The following CFH variants were observed in gnomAD, a reference collection of about 807,000 sequenced individuals.
The protein encoded by CFH is complement factor H.
A neutral mutation model predicts 147.3 loss-of-function variants in CFH; 53 were observed. The ratio of observed to expected loss-of-function variants is 0.36; its 90% CI spans 0.29 to 0.45. CFH has a LOEUF of 0.45. CFH is among the 20% of genes least tolerant of loss of function. The probability of loss-of-function intolerance (pLI) is 1.00; values close to 1 mark genes in which losing one functional copy is unlikely to be tolerated. For missense variants in CFH, 1,380 were observed against 1,498.0 expected (o/e 0.92, Z 1.30); for synonymous variants, 536 against 489.4 (o/e 1.10, Z -1.26).
intron 3 of CFH, among the ~76,000 whole-genome samples, chr1:196,674,370 C>G (rs1667386121): frequency 6.6e-6 from 1 of 152,114 alleles, no homozygotes; most frequent in African/African-American, 2.4e-5. Flanking sequence ...GAAAGCAAGA[C>G]TTTCACCTGC....
intron 9 of CFH, among the ~76,000 whole-genome samples, chr1:196,695,298 T>C (rs1355926257): frequency 3.9e-5 from 6 of 152,212 alleles, no homozygotes; most frequent in African/African-American, 1.4e-4. Flanking sequence ...GTCAGGTTTG[T>C]TGAAGATCAA....
intron 11 of CFH, among the ~76,000 whole-genome samples, chr1:196,719,664 A>G (rs995041729): frequency 6.6e-6 from 1 of 151,818 alleles, no homozygotes; most frequent in Non-Finnish European, 1.5e-5. Flanking sequence ...AATAAGAAAA[A>G]TAATATTTTG....
intron 7 of CFH, 26 bp from the exon 8 acceptor site, chr1:196,689,394 A>C (rs1387539719): frequency 3.1e-6 from 5 of 1,595,858 alleles, no homozygotes; most frequent in African/African-American, 1.4e-5. Context: ...ATTTCTTTAT[A>C]CTTTTTTTAA....
chr1:196,718,289 G>A (rs144476923), intron 11 of CFH, among the ~76,000 whole-genome samples: 3 of 152,150 alleles, frequency 2.0e-5, no homozygotes, highest in Non-Finnish European at 2.9e-5. Context: ...GTATCACTGT[G>A]TACAGAGAAA....
intron 6 of CFH, 54 bp downstream of exon 6, chr1:196,679,847 A>T: frequency 2.1e-6 from 3 of 1,437,922 alleles, no homozygotes; most frequent in Non-Finnish European, 2.9e-6. Context: ...TATTTTAATT[A>T]ATTCTTTTAA....
chr1:196,725,350 A>T, intron 12 of CFH, 53 bp downstream of exon 12: 2 of 1,559,186 alleles, frequency 1.3e-6, no homozygotes, highest in Non-Finnish European at 1.8e-6. Context: ...TTGAATACCA[A>T]CTTTTTTCTT....
Position 196,713,722 on chromosome 1 carries a change from T to C in CFH, c.1337-13T>C. 2 of 1,520,286 alleles carry C rather than the reference T, an allele frequency of 1.3e-6. No individual in the cohort carries two copies. Among genetic ancestry groups the C allele is most frequent in the Non-Finnish European group, 1.8e-6 (2 of 1,098,384 alleles). The allele number at this position is 1,520,286 out of a possible 1,614,324, so 94.2% of individuals were successfully genotyped here. A position where few individuals can be genotyped will look rare whatever the true frequency, so the allele number is the denominator to read the frequency against. On this transcript the variant is annotated splice_polypyrimidine_tract_variant and intron_variant, in intron 9 of 21. Transcript: ENST00000367429. ...TCATATGCTTGTCTTTTTCTTATTC[T>C]CTTCCCTTTTAGAAACATGTTCCAA...
intron 14 of CFH, 75 bp downstream of exon 14, chr1:196,727,015 A>AT: frequency 1.5e-6 from 2 of 1,377,814 alleles, no homozygotes; most frequent in Non-Finnish European, 2.1e-6. Flanking sequence ...TTGCAACTAT[A>AT]TTTTTGAAAT....
chr1:196,713,937 T>C lies in CFH; in HGVS notation c.1519+20T>C. 1 of 1,603,732 alleles carries C rather than the reference T, an allele frequency of 6.2e-7. No homozygotes were observed. Among genetic ancestry groups the C allele is most frequent in the Non-Finnish European group, 8.5e-7 (1 of 1,171,350 alleles). On this transcript the variant is annotated intron_variant, in intron 10 of 21. Coordinates refer to ENST00000367429, the MANE Select transcript of CFH (RefSeq NM_000186.4). ...GCATTAGTAAGTAATTTATTATGTT[T>C]GTATTGATTATCCAGATGATACACA... is the stretch of plus-strand genomic sequence containing the variant.
At chr1:196,698,243 G>T (rs1389503142) in intron 9 of CFH, among the ~76,000 whole-genome samples, 1 of 152,034 alleles carries the variant, frequency 6.6e-6, no homozygotes, top group Non-Finnish European at 1.5e-5. Flanking sequence ...AGCAGACCTG[G>T]AGATAGAGAC....
At chr1:196,724,992 G>C in intron 11 of CFH, 129 bp from the exon 12 acceptor site, 1 of 706,950 alleles carries the variant, frequency 1.4e-6, no homozygotes, top group Non-Finnish European at 2.4e-6. Flanking sequence ...ATTCTTTACA[G>C]GGAAAAGGAT....
At position 196,693,133 on chromosome 1, in the gene CFH, A is replaced by G. The variant is rs565657028; in HGVS notation, c.1336+2894A>G. 4.6e-5 allele frequency among the ~76,000 whole-genome samples: 7 copies of G among 152,088 alleles called. No homozygotes were observed. In the East Asian group the frequency reaches 1.4e-3, roughly 29 times the overall value. On this transcript the variant is annotated intron_variant, in intron 9 of 21. Coordinates refer to ENST00000367429, the MANE Select transcript of CFH (RefSeq NM_000186.4). ...GTACAGTCAATTGTCAGTGAATCAC[A>G]TTGTTTTTCAATTTAATAAAATCTA...
chr1:196,689,487 C>T lies in CFH; in HGVS notation c.1032C>T (p.Tyr344=). The change falls in exon 8 of 22, where the codon TAC becomes TAT. Residue 344 remains tyrosine, a synonymous_variant. Transcript: ENST00000367429. ...ATCATGAGAATATGCGTAGACCATA[C>T]TTTCCAGTAGCTGTAGGAAAATATT... is the stretch of plus-strand genomic sequence containing the variant. ...GLYHENMRRP[Y]FPVAVGKYYS... is the part of the protein sequence containing the mutation. 6.2e-7 allele frequency: 1 copy of T among 1,613,494 alleles called. No individual in the cohort carries two copies. Among genetic ancestry groups the T allele is most frequent in the Non-Finnish European group, 8.5e-7 (1 of 1,179,622 alleles).
At chr1:196,742,315 G>A (rs1459644991) in intron 19 of CFH, among the ~76,000 whole-genome samples, 1 of 152,166 alleles carries the variant, frequency 6.6e-6, no homozygotes, top group African/African-American at 2.4e-5. Flanking sequence ...GATGAAGATT[G>A]AAGTGGGCCA....
intron 3 of CFH, 46 bp from the exon 4 acceptor site, chr1:196,675,943 T>A (rs369221218): frequency 1.9e-5 from 25 of 1,292,924 alleles, no homozygotes; most frequent in African/African-American, 5.8e-5. Flanking sequence ...TAAAACTGCA[T>A]GTAAACACAC....
intron 9 of CFH, 28 bp from the exon 10 acceptor site, chr1:196,713,707 G>A (rs1196260180): frequency 7.2e-7 from 1 of 1,388,342 alleles, no homozygotes; most frequent in Non-Finnish European, 1.0e-6. Flanking sequence ...TCATATGCTT[G>A]TCTTTTTCTT....
chr1:196,746,010 T>G lies in CFH; in HGVS notation c.3493+11T>G. Reference sequence around the variant, plus strand: ...CACCAAAATGCTTACGTAAGTACTTTAATATTCACGTGGCTGGAAAAATCT... The same window carrying G: ...CACCAAAATGCTTACGTAAGTACTTGAATATTCACGTGGCTGGAAAAATCT... On this transcript the variant is annotated intron_variant, in intron 21 of 21. Coordinates refer to ENST00000367429, the MANE Select transcript of CFH (RefSeq NM_000186.4). 1 of 1,614,128 alleles carries G rather than the reference T, an allele frequency of 6.2e-7. No individual in the cohort carries two copies. Among genetic ancestry groups the G allele is most frequent in the Non-Finnish European group, 8.5e-7 (1 of 1,179,974 alleles).
chr1:196,730,081 C>T (rs1181139252), intron 15 of CFH, among the ~76,000 whole-genome samples: 1 of 151,542 alleles, frequency 6.6e-6, no homozygotes, highest in Non-Finnish European at 1.5e-5. Flanking sequence ...ATTTTACTTA[C>T]TTTTACTCTG....
chr1:196,742,322 G>A (rs961249494), intron 19 of CFH, among the ~76,000 whole-genome samples: 9 of 152,166 alleles, frequency 5.9e-5, no homozygotes, highest in Admixed American at 3.9e-4. Context: ...ATTGAAGTGG[G>A]CCAAGATCGT....
Sources: gnomAD v4.1 joint callset for allele counts (sites outside exome capture counted in the v4.1 genomes callset) on GRCh38, gnomAD v4.1.1 for gene constraint, MANE v1.5 for transcripts, NCBI Gene and HGNC (gene_info 2026-07-23, HGNC 2026-07-21) for gene names.